The following DIAPH2 variants were observed in gnomAD, a reference collection of about 807,000 sequenced individuals.
DIAPH2 encodes the protein protein diaphanous homolog 2.
A neutral mutation model predicts 92.7 loss-of-function variants in DIAPH2; 35 were observed. That is an observed-to-expected ratio of 0.38 (90% confidence interval 0.29 to 0.50). DIAPH2 has a LOEUF of 0.50. Ranked by LOEUF, DIAPH2 falls within the 20% of genes least tolerant of loss-of-function variation. DIAPH2 has a pLI of 0.94. For missense variants in DIAPH2, 701 were observed against 819.5 expected (o/e 0.86, Z 1.77); for synonymous variants, 301 against 280.4 (o/e 1.07, Z -0.73).
chrX:97,302,233 A>AG (rs60019199), intron 23 of DIAPH2, among the ~76,000 whole-genome samples: 28,224 of 88,420 alleles, frequency 0.32, 5,691 homozygotes, highest in Non-Finnish European at 0.47. Flanking sequence ...AAAAAAAAAA[A>AG]GTATTGGACA....
intron 26 of DIAPH2, chrX:97,469,605 G>A (rs1331829745): frequency 2.3e-6 from 2 of 857,504 alleles, no homozygotes; most frequent in South Asian, 5.5e-5. Context: ...GCTGTTTATG[G>A]TTTTGTCTTA....
intron 4 of DIAPH2, among the ~76,000 whole-genome samples, chrX:96,854,804 G>A (rs2065029798): frequency 9.4e-6 from 1 of 106,026 alleles, no homozygotes; most frequent in African/African-American, 3.4e-5. Context: ...TAAAACACAT[G>A]AGTTTTTTAT....
intron 23 of DIAPH2, among the ~76,000 whole-genome samples, chrX:97,266,873 A>G (rs7056936): frequency 0.42 from 46,521 of 110,767 alleles, 8,723 homozygotes; most frequent in Non-Finnish European, 0.58. Context: ...CAAAAATGAC[A>G]CGATAATTCT....
At chrX:97,418,318 A>G (rs753405354) in intron 25 of DIAPH2, among the ~76,000 whole-genome samples, 1 of 112,394 alleles carries the variant, frequency 8.9e-6, no homozygotes, top group Non-Finnish European at 1.9e-5. Flanking sequence ...ATGACTTGTC[A>G]ACTCATTCCC....
chrX:97,061,288 TG>T, intron 17 of DIAPH2, among the ~76,000 whole-genome samples: 1 of 112,150 alleles, frequency 8.9e-6, no homozygotes, highest in Non-Finnish European at 1.9e-5. Context: ...AATGACTACA[TG>T]GTGTCCAAAA....
At chrX:97,531,126 C>T (rs182515373) in intron 26 of DIAPH2, among the ~76,000 whole-genome samples, 23 of 110,954 alleles carry the variant, frequency 2.1e-4, no homozygotes, top group African/African-American at 5.9e-4. Flanking sequence ...CTATTATATA[C>T]GACTCTTTAA....
intron 23 of DIAPH2, among the ~76,000 whole-genome samples, chrX:97,330,113 ATG>A (rs2068987810): frequency 2.6e-5 from 1 of 39,138 alleles, no homozygotes; most frequent in African/African-American, 7.7e-5. Flanking sequence ...GTGTGTGTGT[ATG>A]TGTGTGTATG....
intron 26 of DIAPH2, among the ~76,000 whole-genome samples, chrX:97,588,578 A>G (rs2071493746): frequency 1.8e-5 from 2 of 110,139 alleles, no homozygotes; most frequent in Admixed American, 2.0e-4. Context: ...CTGTTTGGAG[A>G]GAGTCAATCT....
At chrX:97,191,403 A>G (rs1433965295) in intron 22 of DIAPH2, among the ~76,000 whole-genome samples, 1 of 111,502 alleles carries the variant, frequency 9.0e-6, no homozygotes, top group Non-Finnish European at 1.9e-5. Context: ...GAAATAAAAA[A>G]TTACACATTT....
At chrX:96,958,373 A>G (rs192921625) in intron 16 of DIAPH2, among the ~76,000 whole-genome samples, 35 of 112,331 alleles carry the variant, frequency 3.1e-4, no homozygotes, top group Admixed American at 2.7e-3. Context: ...GATGTAGAGA[A>G]TAATATTTGA....
At chrX:96,968,379 C>T (rs774865906) in intron 17 of DIAPH2, among the ~76,000 whole-genome samples, 150 of 109,716 alleles carry the variant, frequency 1.4e-3, no homozygotes, top group African/African-American at 4.7e-3. Context: ...CCACCATGCC[C>T]AGCTAATTTT....
At chrX:96,910,773 A>T (rs1015682298) in intron 5 of DIAPH2, among the ~76,000 whole-genome samples, 2 of 111,496 alleles carry the variant, frequency 1.8e-5, no homozygotes, top group African/African-American at 6.5e-5. Context: ...AGAAATATTA[A>T]TGAAATGATA....
chrX:96,981,466 A>G (rs759323183), intron 17 of DIAPH2, among the ~76,000 whole-genome samples: 6 of 112,396 alleles, frequency 5.3e-5, no homozygotes, highest in Non-Finnish European at 1.1e-4. Context: ...ATGAGAATGA[A>G]GATAAATATA....
intron 5 of DIAPH2, among the ~76,000 whole-genome samples, chrX:96,895,046 C>T (rs930563903): frequency 8.1e-5 from 8 of 98,264 alleles, no homozygotes; most frequent in African/African-American, 3.0e-4. Flanking sequence ...CTCTGTTGCC[C>T]AGGCTGGAGT....
intron 22 of DIAPH2, among the ~76,000 whole-genome samples, chrX:97,196,559 C>T (rs1382666437): frequency 9.0e-6 from 1 of 110,922 alleles, no homozygotes; most frequent in African/African-American, 3.3e-5. Flanking sequence ...TGAAATGCTT[C>T]AATTATGAGC....
chrX:97,423,427 C>T (rs1293867950), intron 25 of DIAPH2, among the ~76,000 whole-genome samples: 1 of 111,740 alleles, frequency 8.9e-6, no homozygotes, highest in Admixed American at 9.5e-5. Context: ...AATTCATTTA[C>T]CTAGTGCTAA....
chrX:96,755,795 A>G (rs1350226676), intron 3 of DIAPH2, among the ~76,000 whole-genome samples: 3 of 110,515 alleles, frequency 2.7e-5, no homozygotes, highest in Non-Finnish European at 5.7e-5. Context: ...TAAAAAATTT[A>G]GATATGATTC....
At chrX:97,040,765 G>T (rs1272359670) in intron 17 of DIAPH2, among the ~76,000 whole-genome samples, 2 of 109,528 alleles carry the variant, frequency 1.8e-5, no homozygotes, top group African/African-American at 6.6e-5. Flanking sequence ...TTTTAGCCAG[G>T]TGTAGCATTT....
intron 23 of DIAPH2, among the ~76,000 whole-genome samples, chrX:97,317,787 A>G (rs1425476927): frequency 3.6e-5 from 4 of 112,046 alleles, no homozygotes; most frequent in African/African-American, 6.5e-5. Context: ...GTGTATCCTG[A>G]CCTTGTCCGT....
Sources: gnomAD v4.1 joint callset for allele counts (sites outside exome capture counted in the v4.1 genomes callset) on GRCh38, gnomAD v4.1.1 for gene constraint, MANE v1.5 for transcripts, NCBI Gene and HGNC (gene_info 2026-07-23, HGNC 2026-07-21) for gene names.